THOC2: variants seen among roughly 807,000 people sequenced by gnomAD.
The protein encoded by THOC2 is THO complex subunit 2, also known as THO complex 2.
Under a neutral mutation model 128.4 loss-of-function variants are expected in THOC2, and 10 were observed. That is an observed-to-expected ratio of 0.08 (90% CI 0.05 to 0.13). The LOEUF (loss-of-function observed/expected upper bound fraction) is 0.13. THOC2 is among the 10% of genes least tolerant of loss of function. The pLI, the probability that THOC2 is intolerant of heterozygous loss-of-function variation, is 1.00. For missense variants in THOC2, 535 were observed against 1,155.7 expected, an observed-to-expected ratio of 0.46 and a Z score of 7.79; for synonymous variants, 393 against 396.9, an observed-to-expected ratio of 0.99 and a Z score of 0.12.
chrX:123,702,378 C>T (rs182944804), intron 4 of THOC2, among the ~76,000 whole-genome samples: 13 of 109,266 alleles, frequency 1.2e-4, no homozygotes, highest in Non-Finnish European at 3.8e-5. Flanking sequence ...TGGCTCATGC[C>T]TATAATCCCA....
At chrX:123,611,137 G>A (rs1904445220) in intron 37 of THOC2, among the ~76,000 whole-genome samples, 174 bp from the exon 38 acceptor site, 1 of 110,801 alleles carries the variant, frequency 9.0e-6, no homozygotes, top group Non-Finnish European at 1.9e-5. Flanking sequence ...TATTCCCAAT[G>A]TCCCCAGCCC....
chrX:123,650,713 G>A (rs1166554385), intron 12 of THOC2, among the ~76,000 whole-genome samples: 1 of 111,816 alleles, frequency 8.9e-6, no homozygotes, highest in African/African-American at 3.3e-5. Flanking sequence ...GACAAAGAGA[G>A]GCATTACCTA....
At chrX:123,617,387 ACAC>A (rs1372239449) in intron 33 of THOC2, among the ~76,000 whole-genome samples, 1 of 111,061 alleles carries the variant, frequency 9.0e-6, no homozygotes, top group East Asian at 2.8e-4. Context: ...GGCCTGCAAA[ACAC>A]CATTTTTAAA....
At chrX:123,681,265 G>A (rs2049767726) in intron 8 of THOC2, among the ~76,000 whole-genome samples, 1 of 109,931 alleles carries the variant, frequency 9.1e-6, no homozygotes, top group South Asian at 4.0e-4. Flanking sequence ...TCAAGCAAAG[G>A]TCATCCATGG....
At chrX:123,607,703 T>C (rs1603220841) in intron 38 of THOC2, among the ~76,000 whole-genome samples, 1 of 110,344 alleles carries the variant, frequency 9.1e-6, no homozygotes, top group East Asian at 2.8e-4. Context: ...TTAAAAAAAC[T>C]GTTCTAAAAA....
At chrX:123,656,145 A>T (rs775518936) in intron 12 of THOC2, among the ~76,000 whole-genome samples, 1 of 108,332 alleles carries the variant, frequency 9.2e-6, no homozygotes, top group South Asian at 4.1e-4. Flanking sequence ...AAACATGGAG[A>T]AACCTCGTCT....
rs781747414 is a variant in THOC2 at position 123,644,490 on chromosome X, C to G, written c.1661+85G>C. 5.7e-4 allele frequency: 387 copies of G among 682,254 alleles called. 1 individual carries two copies. In the African/African-American group the frequency reaches 7.8e-3, roughly 14 times the overall value. The allele number at this position is 682,254 out of a possible 1,213,427, so 56.2% of individuals were successfully genotyped here. ...TCACAACACATAGGCTTTCCCAAAA[C>G]TGAGGCTCAGACAAGCTACCTGAAA... On this transcript the variant is annotated intron_variant, in intron 15 of 38. Coordinates refer to ENST00000245838, the MANE Select transcript of THOC2 (RefSeq NM_001081550.2).
chrX:123,647,707 C>T (rs752738042), intron 12 of THOC2, among the ~76,000 whole-genome samples: 3 of 108,543 alleles, frequency 2.8e-5, no homozygotes, highest in East Asian at 2.9e-4. Context: ...TGGTGGCACT[C>T]GCCTGTAGTC....
At chrX:123,687,552 C>G (rs2050048580) in intron 7 of THOC2, among the ~76,000 whole-genome samples, 1 of 111,931 alleles carries the variant, frequency 8.9e-6, no homozygotes, top group Non-Finnish European at 1.9e-5. Flanking sequence ...AACACTTATA[C>G]CTTATGGATG....
intron 1 of THOC2, among the ~76,000 whole-genome samples, chrX:123,732,604 A>G (rs1488340967): frequency 1.8e-5 from 2 of 112,099 alleles, no homozygotes; most frequent in East Asian, 5.6e-4. Context: ...GCTCAGCCCC[A>G]TAAAGATAAA....
chrX:123,692,270 C>T (rs2050252972), intron 7 of THOC2, among the ~76,000 whole-genome samples: 1 of 111,439 alleles, frequency 9.0e-6, no homozygotes, highest in African/African-American at 3.3e-5. Context: ...CATCTTCAAG[C>T]TATGGCCACT....
intron 34 of THOC2, 67 bp downstream of exon 34, chrX:123,613,985 G>A: frequency 9.7e-7 from 1 of 1,026,686 alleles, no homozygotes; most frequent in Middle Eastern, 2.7e-4. Context: ...TTTTTTAAAA[G>A]GCAACATACA....
Position 123,727,246 on chromosome X carries a change from A to T in THOC2, c.71+5706T>A, listed in dbSNP as rs1028882014. Among the ~76,000 whole-genome samples, 77 of 106,018 alleles carry T rather than the reference A, an allele frequency of 7.3e-4. 1 individual carries two copies. Among genetic ancestry groups the T allele is most frequent in the African/African-American group, 2.4e-3 (71 of 29,467 alleles). The allele number at this position is 106,018 out of a possible 115,157, so 92.1% of individuals were successfully genotyped here. A position where few individuals can be genotyped will look rare whatever the true frequency, so the allele number is the denominator to read the frequency against. ...CTTAGTTAAAAATAAATTTTTTAAT[A>T]AAAAAAAAACAGGTATTCCTTAGTT... is the stretch of plus-strand genomic sequence containing the variant. On this transcript the variant is annotated intron_variant, in intron 1 of 38. Coordinates refer to ENST00000245838, the MANE Select transcript of THOC2 (RefSeq NM_001081550.2).
intron 1 of THOC2, among the ~76,000 whole-genome samples, chrX:123,723,034 C>T (rs1487963824): frequency 9.0e-6 from 1 of 110,513 alleles, no homozygotes; most frequent in Non-Finnish European, 1.9e-5. Context: ...CAAAAATTAG[C>T]CAGGTGTGGT....
intron 38 of THOC2, among the ~76,000 whole-genome samples, chrX:123,608,119 G>A (rs1007194959): frequency 6.3e-5 from 7 of 110,891 alleles, no homozygotes; most frequent in African/African-American, 1.6e-4. Context: ...ATAAACTATC[G>A]GCCAGGTACA....
At chrX:123,659,511 C>T (rs1460296964) in intron 12 of THOC2, among the ~76,000 whole-genome samples, 1 of 111,984 alleles carries the variant, frequency 8.9e-6, no homozygotes, top group Non-Finnish European at 1.9e-5. Flanking sequence ...GCGGAGGTTG[C>T]AGTGAGCCGA....
chrX:123,665,901 T>G, intron 11 of THOC2, 64 bp from the exon 12 acceptor site: 1 of 605,731 alleles, frequency 1.7e-6, no homozygotes, highest in Non-Finnish European at 2.3e-6. Context: ...TATAACTATA[T>G]ACACACACAC....
chrX:123,725,936 C>T (rs932720349), intron 1 of THOC2, among the ~76,000 whole-genome samples: 5 of 111,463 alleles, frequency 4.5e-5, no homozygotes, highest in African/African-American at 6.5e-5. Context: ...GGCCAGGCAC[C>T]GTGGCTCACA....
intron 7 of THOC2, among the ~76,000 whole-genome samples, chrX:123,689,713 C>A (rs968002805): frequency 8.9e-6 from 1 of 111,895 alleles, no homozygotes; most frequent in Non-Finnish European, 1.9e-5. Flanking sequence ...AGCCACCATG[C>A]CCAGCTGAAA....
Sources: gnomAD v4.1 joint callset for allele counts (sites outside exome capture counted in the v4.1 genomes callset) on GRCh38, gnomAD v4.1.1 for gene constraint, MANE v1.5 for transcripts, NCBI Gene and HGNC (gene_info 2026-07-23, HGNC 2026-07-21) for gene names.